The following CADM1 variants were observed in gnomAD, a reference collection of about 807,000 sequenced individuals.
The protein encoded by CADM1 is TSLC-1.
CADM1 carries 15 observed loss-of-function variants against 53.1 expected under a neutral mutation model. The ratio of observed to expected loss-of-function variants is 0.28; its 90% CI spans 0.19 to 0.44. The LOEUF (loss-of-function observed/expected upper bound fraction) is 0.44, where lower values mean the gene tolerates loss of function less well. CADM1 is among the 20% of genes least tolerant of loss of function. The pLI is 1.00. For synonymous variants in CADM1, 281 were observed against 243.0 expected, an observed-to-expected ratio of 1.16 and a Z score of -1.45; for missense variants, 434 against 611.3, an observed-to-expected ratio of 0.71 and a Z score of 3.06.
intron 1 of CADM1, among the ~76,000 whole-genome samples, chr11:115,344,656 C>G (rs1423773483): frequency 6.6e-6 from 1 of 152,126 alleles, no homozygotes; most frequent in African/African-American, 2.4e-5. Context: ...TGAGATGAGG[C>G]CCATCCCTCA....
At chr11:115,461,148 A>C (rs1406983431) in intron 1 of CADM1, among the ~76,000 whole-genome samples, 1 of 152,068 alleles carries the variant, frequency 6.6e-6, no homozygotes, top group East Asian at 1.9e-4. Context: ...TGTATTATAT[A>C]ATAAGTATAT....
At chr11:115,318,701 T>C (rs1944741065) in intron 1 of CADM1, among the ~76,000 whole-genome samples, 1 of 152,120 alleles carries the variant, frequency 6.6e-6, no homozygotes, top group Non-Finnish European at 1.5e-5. Context: ...AGGGACAAGT[T>C]TGAGAAATCC....
At chr11:115,439,321 A>G (rs1948255818) in intron 1 of CADM1, among the ~76,000 whole-genome samples, 1 of 152,210 alleles carries the variant, frequency 6.6e-6, no homozygotes, top group Non-Finnish European at 1.5e-5. Flanking sequence ...AGAAGAGCCT[A>G]GATAGGTGTC....
At chr11:115,456,117 G>C (rs760902394) in intron 1 of CADM1, among the ~76,000 whole-genome samples, 11 of 152,120 alleles carry the variant, frequency 7.2e-5, no homozygotes, top group Non-Finnish European at 1.2e-4. Context: ...GATCCAACAT[G>C]TTTGAATCAA....
At position 115,432,786 on chromosome 11, in the gene CADM1, C is replaced by T. The variant is rs544934378; in HGVS notation, c.124+71485G>A. On this transcript the variant is annotated intron_variant, in intron 1 of 11. Transcript: ENST00000331581. ...AGACAAATGCAACATACCCAGCTCACGCATGACAAACGAAAATCTGTCCAC... is the reference window on the plus strand; with the variant it reads ...AGACAAATGCAACATACCCAGCTCATGCATGACAAACGAAAATCTGTCCAC... 2.0e-5 allele frequency among the ~76,000 whole-genome samples: 3 copies of T among 152,278 alleles called. No individual in the cohort carries two copies. The South Asian group carries it at 6.2e-4, about 32-fold the overall frequency.
chr11:115,470,553 C>G (rs1948988925), intron 1 of CADM1, among the ~76,000 whole-genome samples: 1 of 152,122 alleles, frequency 6.6e-6, no homozygotes, highest in South Asian at 2.1e-4. Flanking sequence ...CATTCATTAA[C>G]AATTATAAAG....
intron 1 of CADM1, among the ~76,000 whole-genome samples, chr11:115,305,470 C>A (rs1011202458): frequency 6.6e-6 from 1 of 151,726 alleles, no homozygotes; most frequent in Non-Finnish European, 1.5e-5. Flanking sequence ...CTTTTTTGTC[C>A]TTTTGGTCTC....
At chr11:115,504,177 G>T in intron 1 of CADM1, 94 bp downstream of exon 1, 1 of 1,519,710 alleles carries the variant, frequency 6.6e-7, no homozygotes, top group Non-Finnish European at 8.9e-7. Flanking sequence ...GAAGTGGGGG[G>T]AGGTTGTCAT....
intron 1 of CADM1, among the ~76,000 whole-genome samples, chr11:115,370,692 T>C (rs1348228128): frequency 6.6e-6 from 1 of 152,134 alleles, no homozygotes; most frequent in African/African-American, 2.4e-5. Flanking sequence ...ACCCACACTA[T>C]GGTATCTTAA....
chr11:115,422,940 T>C (rs1161166232), intron 1 of CADM1, among the ~76,000 whole-genome samples: 1 of 152,036 alleles, frequency 6.6e-6, no homozygotes, highest in Non-Finnish European at 1.5e-5. Flanking sequence ...TTTTAAAATA[T>C]ATACTTGGAA....
intron 1 of CADM1, among the ~76,000 whole-genome samples, chr11:115,282,158 T>C (rs1365039525): frequency 6.6e-6 from 1 of 152,210 alleles, no homozygotes; most frequent in Non-Finnish European, 1.5e-5. Context: ...AGTACTATGG[T>C]GATGTCTTAT....
At chr11:115,392,760 G>A (rs367777564) in intron 1 of CADM1, among the ~76,000 whole-genome samples, 2 of 152,168 alleles carry the variant, frequency 1.3e-5, no homozygotes, top group Non-Finnish European at 2.9e-5. Flanking sequence ...TCTGACCCAG[G>A]AATTTCAATT....
rs1947254951 is a variant in CADM1 at position 115,404,349 on chromosome 11, ATATATATAT to A, written c.124+99913_124+99921del. Among the ~76,000 whole-genome samples the A allele has an allele frequency of 4.6e-3, 107 of 23,222 alleles. 12 individuals carry two copies. The highest frequency in any genetic ancestry group is 0.028 in the Admixed American group (44 of 1,570). 15.2% of individuals were successfully genotyped at this position (23,222 alleles called of 152,430 possible). ...TCGGAAAAAAAAAAAAAAAAAAAAT[ATATATATAT>A]ATATATATATATATATATATATATA... On this transcript the variant is annotated intron_variant, in intron 1 of 11. Transcript: ENST00000331581.
intron 1 of CADM1, among the ~76,000 whole-genome samples, chr11:115,484,685 T>C (rs939324254): frequency 2.5e-4 from 38 of 152,064 alleles, no homozygotes; most frequent in African/African-American, 8.4e-4. Context: ...CGGTGGCTCA[T>C]GCCTGTAATC....
rs559628601 is a variant in CADM1, at chr11:115,174,743, A to G, written c.*1731T>C. The G allele has an allele frequency of 1.1e-6, 1 of 878,002 alleles. No homozygotes were observed. Among genetic ancestry groups the G allele is most frequent in the East Asian group, 1.2e-4 (1 of 8,302 alleles). The allele number at this position is 878,002 out of a possible 1,614,324, so 54.4% of individuals were successfully genotyped here. On this transcript the variant is annotated 3_prime_UTR_variant, in exon 12 of 12. Coordinates refer to ENST00000331581, the MANE Select transcript of CADM1 (RefSeq NM_001301043.2). ...ACTCACTGAAAATGTAATAGAATATATATTTATATATATATATAGATCTAT... is the reference window on the plus strand; with the variant it reads ...ACTCACTGAAAATGTAATAGAATATGTATTTATATATATATATAGATCTAT...
intron 4 of CADM1, 97 bp downstream of exon 4, chr11:115,231,256 G>A (rs1941802166): frequency 1.5e-6 from 2 of 1,332,124 alleles, no homozygotes; most frequent in Non-Finnish European, 2.2e-6. Flanking sequence ...GAATACTTTT[G>A]TTTCATGGGC....
rs1000579898 is a variant in CADM1 at position 115,170,162 on chromosome 11, T to C, written c.*6312A>G. On this transcript the variant is annotated 3_prime_UTR_variant, in exon 12 of 12. Transcript: ENST00000331581. ...GGCGGTCACGTCTGAAATATGACTG[T>C]GAGCCTGTGCACGTCTGGAGGGCAG... The C allele has an allele frequency of 2.6e-5, 4 of 155,892 alleles. No homozygotes were observed. The highest frequency in any genetic ancestry group is 1.2e-4 in the Admixed American group (2 of 16,146). The allele number at this position is 155,892 out of a possible 1,614,324, so 9.7% of individuals were successfully genotyped here. A position where few individuals can be genotyped will look rare whatever the true frequency, so the allele number is the denominator to read the frequency against.
chr11:115,383,134 A>C (rs147664725), intron 1 of CADM1, among the ~76,000 whole-genome samples: 198 of 152,308 alleles, frequency 1.3e-3, no homozygotes, highest in African/African-American at 4.4e-3. Flanking sequence ...ATTCTTCTAT[A>C]ACATTTTAAC....
chr11:115,347,261 GC>G (rs1945605256), intron 1 of CADM1, among the ~76,000 whole-genome samples: 1 of 151,944 alleles, frequency 6.6e-6, no homozygotes, highest in African/African-American at 2.4e-5. Context: ...CCCCCCAACT[GC>G]TTCTTGGCAT....
Sources: gnomAD v4.1 joint callset for allele counts (sites outside exome capture counted in the v4.1 genomes callset) on GRCh38, gnomAD v4.1.1 for gene constraint, MANE v1.5 for transcripts, NCBI Gene and HGNC (gene_info 2026-07-23, HGNC 2026-07-21) for gene names.